The following TAFA1 variants were observed in gnomAD, a reference collection of about 807,000 sequenced individuals.
The protein encoded by TAFA1 is chemokine-like protein TAFA-1.
In TAFA1, 4 loss-of-function variants were observed where a neutral mutation model predicts 18.5. That is an observed-to-expected ratio of 0.22 (90% confidence interval 0.11 to 0.49). TAFA1 has a LOEUF of 0.49. Ranked by LOEUF, TAFA1 falls within the 20% of genes least tolerant of loss-of-function variation. TAFA1 has a pLI of 0.98. For synonymous variants in TAFA1, 56 were observed against 55.2 expected (o/e 1.01, Z -0.06); for missense variants, 147 against 169.0 (o/e 0.87, Z 0.72).
intron 2 of TAFA1, among the ~76,000 whole-genome samples, chr3:68,360,478 A>G (rs995973152): frequency 6.6e-6 from 1 of 151,968 alleles, no homozygotes; most frequent in Admixed American, 6.6e-5. Context: ...ATATTTAGAG[A>G]CAAAGGAATG....
At chr3:68,458,739 A>G (rs2071713579) in intron 3 of TAFA1, among the ~76,000 whole-genome samples, 1 of 152,180 alleles carries the variant, frequency 6.6e-6, no homozygotes, top group South Asian at 2.1e-4. Flanking sequence ...CTGCTGGGGA[A>G]ACAATCTTTC....
intron 2 of TAFA1, among the ~76,000 whole-genome samples, chr3:68,220,013 C>T (rs1231680933): frequency 6.6e-6 from 1 of 152,122 alleles, no homozygotes. Context: ...TTGTCCTCTC[C>T]AATCCTTTGA....
intron 3 of TAFA1, among the ~76,000 whole-genome samples, chr3:68,461,690 A>C (rs2071785666): frequency 6.6e-6 from 1 of 151,410 alleles, no homozygotes; most frequent in Admixed American, 6.6e-5. Context: ...TCTGTCCTCA[A>C]GCAGAAGACA....
intron 2 of TAFA1, among the ~76,000 whole-genome samples, chr3:68,106,470 G>T (rs1333435850): frequency 6.6e-6 from 1 of 152,100 alleles, no homozygotes; most frequent in African/African-American, 2.4e-5. Context: ...TGTGACTGGT[G>T]ATTGTTGTGT....
intron 2 of TAFA1, among the ~76,000 whole-genome samples, chr3:68,370,665 T>G (rs933896208): frequency 1.3e-5 from 2 of 148,714 alleles, no homozygotes; most frequent in African/African-American, 4.9e-5. Flanking sequence ...AAATTGAAAA[T>G]CTTATGAGAA....
chr3:68,047,973 G>A (rs1010788726), intron 2 of TAFA1, among the ~76,000 whole-genome samples: 6 of 152,088 alleles, frequency 3.9e-5, no homozygotes, highest in African/African-American at 1.4e-4. Flanking sequence ...GCTTACAGCT[G>A]CAGTAACCAT....
chr3:68,342,988 A>G (rs934266656), intron 2 of TAFA1, among the ~76,000 whole-genome samples: 2 of 152,150 alleles, frequency 1.3e-5, no homozygotes, highest in Admixed American at 6.5e-5. Context: ...CAAATTTCCT[A>G]TAGGTTTAGT....
rs918080741 is a variant in TAFA1, at chr3:68,469,264, C to G, written c.259+51844C>G. ...TAGGTTATTGAAAGAAGAAATTTGA[C>G]AAGGAGCACTCAGGAGACATCATTG... On this transcript the variant is annotated intron_variant, in intron 3 of 4. Coordinates refer to ENST00000478136, the MANE Select transcript of TAFA1 (RefSeq NM_213609.4). Among the ~76,000 whole-genome samples the G allele has an allele frequency of 2.6e-5, 4 of 152,128 alleles. No homozygotes were observed. The East Asian group carries it at 7.7e-4, about 29-fold the overall frequency.
At chr3:67,993,523 T>C in the TAFA1 span, among the ~76,000 whole-genome samples, 1 of 152,204 alleles carries the variant, frequency 6.6e-6, no homozygotes, top group Non-Finnish European at 1.5e-5. Flanking sequence ...CCCTGGAAAC[T>C]ATCCAAATTC....
chr3:68,305,223 A>G (rs910644332), intron 2 of TAFA1, among the ~76,000 whole-genome samples: 1 of 144,530 alleles, frequency 6.9e-6, no homozygotes, highest in Non-Finnish European at 1.5e-5. Flanking sequence ...TGTTTTTCCC[A>G]TATGTTTTTT....
At chr3:68,097,492 T>C (rs2065099802) in intron 2 of TAFA1, among the ~76,000 whole-genome samples, 1 of 152,158 alleles carries the variant, frequency 6.6e-6, no homozygotes, top group South Asian at 2.1e-4. Context: ...TTGGATGAAA[T>C]GGCTCTATGT....
chr3:68,475,537 A>C lies in TAFA1; in HGVS notation c.259+58117A>C, dbSNP rs565930178. 2.1e-4 allele frequency among the ~76,000 whole-genome samples: 32 copies of C among 152,162 alleles called. No homozygotes were observed. The South Asian group carries it at 2.7e-3, about 13-fold the overall frequency. The stretch of plus-strand genomic sequence containing the variant: ...GTATTCCATGGTGTATATGTGCCAC[A>C]TTTTCTTAATCCAGTCTATCATTGT... On this transcript the variant is annotated intron_variant, in intron 3 of 4. Coordinates refer to ENST00000478136, the MANE Select transcript of TAFA1 (RefSeq NM_213609.4).
chr3:68,414,863 T>TG (rs1243327223), intron 2 of TAFA1, among the ~76,000 whole-genome samples: 1 of 152,190 alleles, frequency 6.6e-6, no homozygotes, highest in Non-Finnish European at 1.5e-5. Flanking sequence ...ATGTGCCTTG[T>TG]GCCATTTTCA....
intron 3 of TAFA1, among the ~76,000 whole-genome samples, chr3:68,509,978 A>G (rs990826188): frequency 6.6e-6 from 1 of 152,062 alleles, no homozygotes; most frequent in African/African-American, 2.4e-5. Context: ...GTTATATGTA[A>G]CTTCCCAATT....
chr3:68,445,081 C>G (rs2071453110), intron 3 of TAFA1, among the ~76,000 whole-genome samples: 1 of 151,608 alleles, frequency 6.6e-6, no homozygotes, highest in Non-Finnish European at 1.5e-5. Context: ...TTGTTATAAC[C>G]CAAAGATAAT....
chr3:68,441,589 C>A (rs2071381910), intron 3 of TAFA1, among the ~76,000 whole-genome samples: 1 of 152,154 alleles, frequency 6.6e-6, no homozygotes, highest in Non-Finnish European at 1.5e-5. Context: ...TGCACACCAG[C>A]ATTCCATCAT....
intron 3 of TAFA1, among the ~76,000 whole-genome samples, chr3:68,440,363 G>A (rs2071353282): frequency 6.6e-6 from 1 of 152,126 alleles, no homozygotes. Flanking sequence ...TTTATCAGCA[G>A]CATGAAAATG....
chr3:68,055,486 G>C (rs1559719384), intron 2 of TAFA1, among the ~76,000 whole-genome samples: 2 of 152,078 alleles, frequency 1.3e-5, no homozygotes, highest in East Asian at 3.9e-4. Flanking sequence ...CTATTAACCA[G>C]AACTTGAAAC....
intron 3 of TAFA1, among the ~76,000 whole-genome samples, chr3:68,517,470 C>T (rs1160388947): frequency 6.6e-6 from 1 of 152,138 alleles, no homozygotes; most frequent in Non-Finnish European, 1.5e-5. Context: ...ACCAAGACTA[C>T]CCAGTTTGTT....
Sources: allele counts gnomAD v4.1 joint callset (sites outside exome capture counted in the v4.1 genomes callset), GRCh38; gene constraint gnomAD v4.1.1; transcripts MANE v1.5; gene names NCBI Gene and HGNC (gene_info 2026-07-23, HGNC 2026-07-21).